The following VAPA variants were observed in gnomAD, a reference collection of about 807,000 sequenced individuals.
VAPA encodes vesicle-associated membrane protein-associated protein A.
In VAPA, 6 loss-of-function variants were observed where a neutral mutation model predicts 25.6. The ratio of observed to expected loss-of-function variants is 0.23; its 90% CI spans 0.13 to 0.46. VAPA has a LOEUF of 0.46. Among genes scored for constraint, VAPA ranks in the 20% least tolerant of loss-of-function variants. The pLI is 0.99. For synonymous variants in VAPA, 112 were observed against 106.2 expected, an observed-to-expected ratio of 1.05 and a Z score of -0.34; for missense variants, 244 against 302.1, an observed-to-expected ratio of 0.81 and a Z score of 1.43.
In VAPA at chr18:9,917,216, AT is replaced by A. The variant is rs969455101; in HGVS notation, c.79+2889del. 1.4e-4 allele frequency among the ~76,000 whole-genome samples: 22 copies of A among 152,168 alleles called. No individual in the cohort carries two copies. In the East Asian group the frequency reaches 2.7e-3, roughly 19 times the overall value. On this transcript the variant is annotated intron_variant, in intron 1 of 5. Coordinates refer to ENST00000400000, the MANE Select transcript of VAPA (RefSeq NM_194434.3). ...TGAAACTTGGTATTTTATGTGAAAG[AT>A]TTTTTTTGTCTTTAAAATTTTTTAC...
intron 1 of VAPA, among the ~76,000 whole-genome samples, chr18:9,927,143 C>G (rs2069206987): frequency 6.6e-6 from 1 of 152,000 alleles, no homozygotes. Flanking sequence ...TCAGGAGTGA[C>G]TATATTGGTG....
chr18:9,926,498 G>T (rs975513258), intron 1 of VAPA, among the ~76,000 whole-genome samples: 9 of 152,186 alleles, frequency 5.9e-5, no homozygotes, highest in African/African-American at 2.2e-4. Flanking sequence ...GTTGGTAGAA[G>T]ACATGAGATT....
intron 1 of VAPA, among the ~76,000 whole-genome samples, chr18:9,922,516 C>A (rs928439545): frequency 6.6e-6 from 1 of 152,052 alleles, no homozygotes; most frequent in African/African-American, 2.4e-5. Context: ...TATACCTGGT[C>A]TCACAGGAAG....
intron 4 of VAPA, among the ~76,000 whole-genome samples, chr18:9,944,282 A>G (rs1034680619): frequency 1.3e-5 from 2 of 152,154 alleles, no homozygotes; most frequent in African/African-American, 4.8e-5. Context: ...TTGAATATAC[A>G]TTATTTTCTG....
At chr18:9,933,296 T>G (rs2069275441) in intron 2 of VAPA, among the ~76,000 whole-genome samples, 1 of 152,126 alleles carries the variant, frequency 6.6e-6, no homozygotes, top group African/African-American at 2.4e-5. Flanking sequence ...CATAGAGTTC[T>G]TGGTGACACT....
Position 9,931,947 on chromosome 18 carries a change from A to G in VAPA, c.217A>G (p.Thr73Ala), listed in dbSNP as rs781277804. Reference protein sequence around the residue: ...PNSGIIDPGSTVTVSVMLQPF... With the variant: ...PNSGIIDPGSAVTVSVMLQPF... ...CAGTGGAATTATTGACCCAGGGTCA[A>G]CTGTGACTGTTTCAGGTAGCAAATC... is the stretch of plus-strand genomic sequence containing the variant. Residue 73 changes from threonine (T) to alanine (A), a missense_variant, in exon 2 of 6, where the codon ACT (threonine) becomes GCT (alanine). Around this residue, in one of 2 missense-constraint regions of VAPA, gnomAD observed 99 missense variants for 161.6 expected, o/e 0.61. Coordinates refer to ENST00000400000, the MANE Select transcript of VAPA (RefSeq NM_194434.3). 1.9e-6 allele frequency: 3 copies of G among 1,598,306 alleles called. No individual in the cohort carries two copies. Among genetic ancestry groups the G allele is most frequent in the Non-Finnish European group, 2.6e-6 (3 of 1,173,404 alleles).
At chr18:9,916,193 C>G (rs926144050) in intron 1 of VAPA, among the ~76,000 whole-genome samples, 2 of 152,062 alleles carry the variant, frequency 1.3e-5, no homozygotes, top group African/African-American at 4.8e-5. Context: ...AGTGGAGAAG[C>G]AAGTTTAAAA....
chr18:9,924,524 A>G (rs1028782982), intron 1 of VAPA, among the ~76,000 whole-genome samples: 10 of 152,186 alleles, frequency 6.6e-5, no homozygotes, highest in African/African-American at 1.2e-4. Flanking sequence ...CTTGTTTTCA[A>G]GATTATGTCA....
chr18:9,959,780 CTT>C lies in VAPA; in HGVS notation c.*5572_*5573del, dbSNP rs1421025696. On this transcript the variant is annotated 3_prime_UTR_variant, in exon 6 of 6. Coordinates refer to ENST00000400000, the MANE Select transcript of VAPA (RefSeq NM_194434.3). The stretch of plus-strand genomic sequence containing the variant: ...GGTTGAAATGGTAAGGAATTGGAAT[CTT>C]TTGTATTTTCGAGCAATAAGAATTC... 5.0e-5 allele frequency: 7 copies of C among 139,392 alleles called. No individual in the cohort carries two copies. Among genetic ancestry groups the C allele is most frequent in the East Asian group, 2.2e-4 (1 of 4,470 alleles). The allele number at this position is 139,392 out of a possible 1,614,324, so 8.6% of individuals were successfully genotyped here.
At chr18:9,938,419 A>G (rs1271973063) in intron 4 of VAPA, among the ~76,000 whole-genome samples, 1 of 152,216 alleles carries the variant, frequency 6.6e-6, no homozygotes, top group Non-Finnish European at 1.5e-5. Context: ...TGATACGGCA[A>G]TGACAGTTGA....
At chr18:9,942,118 T>A (rs2069372025) in intron 4 of VAPA, among the ~76,000 whole-genome samples, 1 of 152,222 alleles carries the variant, frequency 6.6e-6, no homozygotes, top group South Asian at 2.1e-4. Flanking sequence ...TGTATTTTTT[T>A]ATTCAGCTTT....
intron 1 of VAPA, chr18:9,914,977 C>T (rs1254235287): frequency 1.3e-5 from 2 of 151,460 alleles, no homozygotes; most frequent in African/African-American, 4.8e-5. Context: ...GTTTAGAACT[C>T]GGCCGTCAGG....
In VAPA at chr18:9,941,042, C is replaced by T. The variant is rs1385084906; in HGVS notation, c.417+3976C>T. ...CTTGGAAAAATACTGTAAATGTCTC[C>T]AAGAGGAATCACATTGCGTATTTGC... On this transcript the variant is annotated intron_variant, in intron 4 of 5. Transcript: ENST00000400000. 2.0e-5 allele frequency among the ~76,000 whole-genome samples: 3 copies of T among 151,974 alleles called. No individual in the cohort carries two copies. The East Asian group carries it at 5.8e-4, about 29-fold the overall frequency.
intron 4 of VAPA, among the ~76,000 whole-genome samples, chr18:9,946,996 C>T (rs2069431666): frequency 6.6e-6 from 1 of 152,164 alleles, no homozygotes; most frequent in Non-Finnish European, 1.5e-5. Flanking sequence ...ACACATTAGT[C>T]TAGGCCTGCA....
chr18:9,945,091 C>T, intron 4 of VAPA: 1 of 1,607,370 alleles, frequency 6.2e-7, no homozygotes. Flanking sequence ...ACTTAGGAGT[C>T]TACTAGTGTC....
intron 5 of VAPA, among the ~76,000 whole-genome samples, chr18:9,952,938 T>C (rs1259322292): frequency 6.6e-6 from 1 of 152,198 alleles, no homozygotes; most frequent in Non-Finnish European, 1.5e-5. Context: ...ACTGTGCCAT[T>C]AGGTGTACTC....
rs544716280 is a variant in VAPA at position 9,955,083 on chromosome 18, G to C, written c.*872G>C. The stretch of plus-strand genomic sequence containing the variant: ...AATAGAAGTTATGTGATTTCAGTGA[G>C]TTGATGTGTACAGCATGGCTGTGCT... On this transcript the variant is annotated 3_prime_UTR_variant, in exon 6 of 6. Transcript: ENST00000400000. 2.6e-5 allele frequency: 4 copies of C among 152,322 alleles called. No homozygotes were observed. Among genetic ancestry groups the C allele is most frequent in the African/African-American group, 9.6e-5 (4 of 41,588 alleles). 9.4% of individuals were successfully genotyped at this position (152,322 alleles called of 1,614,324 possible).
intron 1 of VAPA, among the ~76,000 whole-genome samples, chr18:9,925,968 C>T (rs2069197206): frequency 6.6e-6 from 1 of 152,080 alleles, no homozygotes; most frequent in South Asian, 2.1e-4. Context: ...TAGAGTCAGA[C>T]CTGGTTTGAC....
intron 2 of VAPA, among the ~76,000 whole-genome samples, chr18:9,935,704 CTT>C (rs1023827078): frequency 9.9e-5 from 15 of 152,256 alleles, no homozygotes; most frequent in South Asian, 2.1e-4. Context: ...GTTTTAATAA[CTT>C]ATATTTAATC....
Sources: allele counts gnomAD v4.1 joint callset (sites outside exome capture counted in the v4.1 genomes callset), GRCh38; gene constraint gnomAD v4.1.1; regional missense constraint gnomAD v4.1.1; transcripts MANE v1.5; gene names NCBI Gene and HGNC (gene_info 2026-07-23, HGNC 2026-07-21).